TRAK1: variants seen among roughly 807,000 people sequenced by gnomAD.
TRAK1 encodes trafficking kinesin protein 1, also known as trafficking kinesin-binding protein 1.
TRAK1 carries 33 observed loss-of-function variants against 92.1 expected under a neutral mutation model. The ratio of observed to expected loss-of-function variants is 0.36; its 90% CI spans 0.27 to 0.48. The LOEUF (loss-of-function observed/expected upper bound fraction) is 0.48. TRAK1 is among the 20% of genes least tolerant of loss of function. TRAK1 has a pLI of 0.99. For missense variants in TRAK1, 1,123 were observed against 1,257.9 expected, an observed-to-expected ratio of 0.89 and a Z score of 1.62; for synonymous variants, 521 against 517.3, an observed-to-expected ratio of 1.01 and a Z score of -0.10.
Position 42,202,821 on chromosome 3 carries a change from C to A in TRAK1, c.1744+69C>A. 1 of 1,589,350 alleles carries A rather than the reference C, an allele frequency of 6.3e-7. No individual in the cohort carries two copies. The highest frequency in any genetic ancestry group is 1.1e-5 in the South Asian group (1 of 89,738). On this transcript the variant is annotated intron_variant, in intron 13 of 15. Transcript: ENST00000327628. This position sits in a 1 kb window ranked among gnomAD's most constrained non-coding sequence, Gnocchi z 6.1. The stretch of plus-strand genomic sequence containing the variant: ...CTCCCTTTGGTCCCTGATCCACCTG[C>A]GGAAGGCGGGGCACCTCTGTCACGC...
intron 2 of TRAK1, among the ~76,000 whole-genome samples, chr3:42,156,452 C>G (rs569948341): frequency 2.6e-5 from 4 of 152,270 alleles, no homozygotes; most frequent in Non-Finnish European, 4.4e-5. Flanking sequence ...GCAGCCAGCC[C>G]GAAGGGGCTC....
At chr3:42,103,833 G>A (rs1035601508) in intron 1 of TRAK1, among the ~76,000 whole-genome samples, 1 of 152,172 alleles carries the variant, frequency 6.6e-6, no homozygotes, top group Admixed American at 6.5e-5. Flanking sequence ...ACTGCGGCTT[G>A]TCAGACAGTG....
At chr3:42,203,051 A>C (rs1707868025) in intron 13 of TRAK1, 1 of 1,239,446 alleles carries the variant, frequency 8.1e-7, no homozygotes, top group South Asian at 4.1e-5. Flanking sequence ...TTAGAAATAA[A>C]AACTTTTGTG....
intron 1 of TRAK1, among the ~76,000 whole-genome samples, chr3:42,043,804 A>G (rs1318313575): frequency 2.3e-5 from 3 of 128,504 alleles, no homozygotes; most frequent in Admixed American, 1.8e-4. Context: ...CAGAGGGGGC[A>G]CAGGTTTGAA....
intron 1 of TRAK1, among the ~76,000 whole-genome samples, chr3:42,034,140 C>T (rs1553702228): frequency 1.3e-5 from 2 of 152,176 alleles, no homozygotes; most frequent in Non-Finnish European, 2.9e-5. Context: ...TCCCCTGCAC[C>T]CCATTCTTTC....
intron 1 of TRAK1, among the ~76,000 whole-genome samples, chr3:42,014,570 A>G (rs1214085132): frequency 6.6e-6 from 1 of 152,218 alleles, no homozygotes; most frequent in African/African-American, 2.4e-5. Context: ...GTTCTTTTCT[A>G]GTCTCCAAGG....
At chr3:42,125,375 C>G (rs1710423865) in intron 1 of TRAK1, 45 bp from the exon 2 acceptor site, 1 of 1,586,066 alleles carries the variant, frequency 6.3e-7, no homozygotes, top group Non-Finnish European at 8.6e-7. Context: ...GCAGCAAGGC[C>G]ATAGCCATTT....
In TRAK1 at chr3:42,066,978, A is replaced by G. The variant is rs562731878; in HGVS notation, c.-518-20126A>G. On this transcript the variant is annotated intron_variant, in intron 1 of 16. Transcript: ENST00000487159. ...CAGAGGCTCTTGGCTTCTTCTCTCA[A>G]TACCACACATTCCTAATTATTTGTG... 4.6e-5 allele frequency among the ~76,000 whole-genome samples: 7 copies of G among 152,236 alleles called. No homozygotes were observed. In the South Asian group the frequency reaches 1.5e-3, roughly 32 times the overall value.
At chr3:42,026,330 G>T (rs912250412) in intron 1 of TRAK1, among the ~76,000 whole-genome samples, 3 of 152,092 alleles carry the variant, frequency 2.0e-5, no homozygotes, top group Non-Finnish European at 4.4e-5. Context: ...TGAATTGCGT[G>T]GTTAGCTTGC....
Position 42,057,417 on chromosome 3 carries a change from T to G in TRAK1, c.-518-29687T>G, listed in dbSNP as rs192549596. ...AATTCACATCCATCTCTGCCACACTTTCTTCTTTCCTAATAGAATCCAGAT... is the reference window on the plus strand; with the variant it reads ...AATTCACATCCATCTCTGCCACACTGTCTTCTTTCCTAATAGAATCCAGAT... On this transcript the variant is annotated intron_variant, in intron 1 of 16. Transcript: ENST00000487159. Among the ~76,000 whole-genome samples, 23 of 152,262 alleles carry G rather than the reference T, an allele frequency of 1.5e-4. No homozygotes were observed. In the East Asian group the frequency reaches 4.4e-3, roughly 29 times the overall value.
intron 1 of TRAK1, among the ~76,000 whole-genome samples, chr3:42,113,348 A>ACGC (rs1708718545): frequency 8.0e-6 from 1 of 125,036 alleles, no homozygotes. Flanking sequence ...CTCTACTCCT[A>ACGC]CTCCTACGCC....
chr3:42,148,448 T>A (rs747387764), intron 2 of TRAK1, among the ~76,000 whole-genome samples: 1 of 152,246 alleles, frequency 6.6e-6, no homozygotes, highest in East Asian at 1.9e-4. Flanking sequence ...TTCAAACATA[T>A]CAAACATTTA....
rs754561313 is a variant in TRAK1, at chr3:42,184,742, A to G, written c.421A>G (p.Lys141Glu). 1.9e-6 allele frequency: 3 copies of G among 1,614,200 alleles called. No individual in the cohort carries two copies. Among genetic ancestry groups the G allele is most frequent in the Non-Finnish European group, 2.5e-6 (3 of 1,180,030 alleles). Reference protein sequence around the residue: ...RIGQSLLKKNKTLTERNELLE... With the variant: ...RIGQSLLKKNETLTERNELLE... ...CGGCCAGTCGTTGTTGAAGAAGAAC[A>G]AGACCCTAACCGAGAGGAACGAGCT... is the stretch of plus-strand genomic sequence containing the variant. The change falls in exon 4 of 16, where the codon AAG becomes GAG. Residue 141 changes from lysine to glutamate, a missense_variant. Around this residue, in one of 3 missense-constraint regions of TRAK1, gnomAD observed 686 missense variants for 747.6 expected, o/e 0.92. Transcript: ENST00000327628.
At chr3:42,155,768 G>A (rs894258654) in intron 2 of TRAK1, among the ~76,000 whole-genome samples, 1 of 152,208 alleles carries the variant, frequency 6.6e-6, no homozygotes, top group African/African-American at 2.4e-5. Context: ...GATATGGCTA[G>A]TGTGACTGGT....
At chr3:42,132,614 T>G (rs928049207) in intron 2 of TRAK1, among the ~76,000 whole-genome samples, 6 of 152,158 alleles carry the variant, frequency 3.9e-5, no homozygotes, top group Non-Finnish European at 8.8e-5. Flanking sequence ...CTGAATATTT[T>G]TGATCCGTGG....
chr3:42,176,226 A>G (rs56075929), intron 2 of TRAK1, among the ~76,000 whole-genome samples: 23,889 of 152,204 alleles, frequency 0.16, 2,127 homozygotes, highest in Non-Finnish European at 0.21. Flanking sequence ...TTTTTAATGT[A>G]TATTTAAAAA....
intron 2 of TRAK1, among the ~76,000 whole-genome samples, chr3:42,151,907 A>T (rs973750475): frequency 2.6e-5 from 4 of 152,240 alleles, no homozygotes; most frequent in Non-Finnish European, 4.4e-5. Context: ...TTTGATACTA[A>T]TAAAAGGTGA....
intron 2 of TRAK1, chr3:42,160,343 C>A (rs748742164): frequency 2.5e-6 from 4 of 1,613,702 alleles, no homozygotes; most frequent in Non-Finnish European, 2.5e-6. Flanking sequence ...GATGTTTTGG[C>A]TTTGGGGTGA....
At chr3:42,023,265 A>G (rs998774392) in intron 1 of TRAK1, among the ~76,000 whole-genome samples, 5 of 152,128 alleles carry the variant, frequency 3.3e-5, no homozygotes, top group African/African-American at 1.2e-4. Flanking sequence ...CTGTTTGGCA[A>G]AAGGCAGCAT....
Sources: gnomAD v4.1 joint callset for allele counts (sites outside exome capture counted in the v4.1 genomes callset) on GRCh38, gnomAD v4.1.1 for gene constraint, gnomAD v4.1.1 regional missense constraint, Gnocchi (gnomAD v3.1) non-coding constraint, MANE v1.5 for transcripts, NCBI Gene and HGNC (gene_info 2026-07-23, HGNC 2026-07-21) for gene names.